The following EFCAB5 variants were observed in gnomAD, a reference collection of about 807,000 sequenced individuals.
EFCAB5 encodes EF-hand calcium binding domain 5, also known as EF-hand calcium-binding domain-containing protein 5.
Under a neutral mutation model 167.9 loss-of-function variants are expected in EFCAB5, and 131 were observed. That is an observed-to-expected ratio of 0.78 (90% CI 0.68 to 0.90). The LOEUF (loss-of-function observed/expected upper bound fraction) is 0.90. Ranked by LOEUF, EFCAB5 falls within the 40% of genes least tolerant of loss-of-function variation. The pLI is 0.00. For missense variants in EFCAB5, 1,663 were observed against 1,745.2 expected, an observed-to-expected ratio of 0.95 and a Z score of 0.84; for synonymous variants, 574 against 602.8, an observed-to-expected ratio of 0.95 and a Z score of 0.70.
chr17:30,000,606 T>G (rs1234376299), intron 7 of EFCAB5, among the ~76,000 whole-genome samples: 1 of 152,218 alleles, frequency 6.6e-6, no homozygotes, highest in Non-Finnish European at 1.5e-5. Context: ...TTTTCTCTGA[T>G]GAGTTCCAGA....
chr17:30,014,593 G>A (rs1171625478), intron 7 of EFCAB5, among the ~76,000 whole-genome samples: 1 of 152,128 alleles, frequency 6.6e-6, no homozygotes, highest in Non-Finnish European at 1.5e-5. Context: ...TTGATTTAAA[G>A]TCTGTTTTAT....
chr17:30,004,787 ATTTTTTTT>A (rs60231360), intron 7 of EFCAB5, among the ~76,000 whole-genome samples: 22 of 115,138 alleles, frequency 1.9e-4, no homozygotes, highest in African/African-American at 3.1e-4. Context: ...CTCCTGGCTA[ATTTTTTTT>A]TTTTTTTTTT....
chr17:29,978,299 C>T (rs1412701616), intron 4 of EFCAB5, among the ~76,000 whole-genome samples: 1 of 152,104 alleles, frequency 6.6e-6, no homozygotes, highest in Non-Finnish European at 1.5e-5. Flanking sequence ...AGTGAATGGA[C>T]AAGGAAAATA....
Position 30,068,983 on chromosome 17 carries a change from C to T in EFCAB5, c.2738-9232C>T. 2.0e-6 allele frequency: 3 copies of T among 1,466,548 alleles called. No homozygotes were observed. In the South Asian group the frequency reaches 3.4e-5, roughly 17 times the overall value. The allele number at this position is 1,466,548 out of a possible 1,614,324, so 90.8% of individuals were successfully genotyped here. A position where few individuals can be genotyped will look rare whatever the true frequency, so the allele number is the denominator to read the frequency against. On this transcript the variant is annotated intron_variant, in intron 14 of 22. Transcript: ENST00000394835. The stretch of plus-strand genomic sequence containing the variant: ...AATTCAACAACTACGAACAGAAGCT[C>T]ACAAGGAGATACATTCCCAGCAAGT...
At chr17:30,048,145 TTA>T (rs1212386243) in intron 8 of EFCAB5, among the ~76,000 whole-genome samples, 1 of 152,116 alleles carries the variant, frequency 6.6e-6, no homozygotes, top group Admixed American at 6.6e-5. Context: ...TGGTCAAAGT[TTA>T]TGTCATAGGT....
intron 22 of EFCAB5, among the ~76,000 whole-genome samples, chr17:30,098,626 C>A (rs1276972077): frequency 6.6e-6 from 1 of 152,056 alleles, no homozygotes. Flanking sequence ...ACCTGGCTTT[C>A]CATTGTCTTT....
At position 30,085,562 on chromosome 17, in the gene EFCAB5, T is replaced by C. The variant is rs1206898136; in HGVS notation, c.3580-1501T>C. Among the ~76,000 whole-genome samples the C allele has an allele frequency of 4.0e-5, 6 of 151,708 alleles. No homozygotes were observed. The South Asian group carries it at 1.2e-3, about 32-fold the overall frequency. On this transcript the variant is annotated intron_variant, in intron 18 of 22. Transcript: ENST00000394835. ...GGTGAAACCCCGTCTCTACTAAAAA[T>C]ACAAAAAAATTAGCCGGGCGCGGTG...
At chr17:29,986,849 G>A (rs959504952) in intron 4 of EFCAB5, among the ~76,000 whole-genome samples, 10 of 151,520 alleles carry the variant, frequency 6.6e-5, no homozygotes, top group South Asian at 2.1e-4. Flanking sequence ...GGGTTTCACC[G>A]TGTTAGCCAG....
intron 18 of EFCAB5, among the ~76,000 whole-genome samples, chr17:30,085,955 C>A (rs749711081): frequency 1.3e-5 from 2 of 152,022 alleles, no homozygotes; most frequent in South Asian, 2.1e-4. Flanking sequence ...CCCTATGGAT[C>A]CTCTTATCAT....
At chr17:30,049,982 GT>G (rs950884294) in intron 8 of EFCAB5, among the ~76,000 whole-genome samples, 37 of 151,414 alleles carry the variant, frequency 2.4e-4, no homozygotes, top group Middle Eastern at 3.4e-3. Flanking sequence ...CAATAGAGGA[GT>G]TTTTTTTTAA....
At chr17:30,057,913 G>C (rs1419076212) in intron 13 of EFCAB5, 23 bp downstream of exon 13, 10 of 1,588,868 alleles carry the variant, frequency 6.3e-6, no homozygotes, top group Non-Finnish European at 8.6e-6. Flanking sequence ...ATTTATTAAT[G>C]ATACAAGTGA....
intron 3 of EFCAB5, among the ~76,000 whole-genome samples, chr17:29,960,134 CCA>C (rs2067692122): frequency 6.6e-6 from 1 of 152,140 alleles, no homozygotes; most frequent in African/African-American, 2.4e-5. Context: ...ATGCAAAATC[CCA>C]CAGTCACTGT....
chr17:30,032,958 G>C lies in EFCAB5; in HGVS notation c.1045-1272G>C, dbSNP rs148452252. Among the ~76,000 whole-genome samples, 297 of 152,246 alleles carry C rather than the reference G, an allele frequency of 2.0e-3. 2 individuals are homozygous for C. The highest frequency in any genetic ancestry group is 6.6e-3 in the African/African-American group (273 of 41,546). ...AATTCCTAGTGGAGAGAATCTGAAT[G>C]GCCTTAAGTGTTCCCCCTGGTTCAA... On this transcript the variant is annotated intron_variant, in intron 7 of 22. Coordinates refer to ENST00000394835, the MANE Select transcript of EFCAB5 (RefSeq NM_198529.4).
intron 14 of EFCAB5, among the ~76,000 whole-genome samples, chr17:30,067,371 T>C (rs978053972): frequency 6.6e-6 from 1 of 152,114 alleles, no homozygotes; most frequent in African/African-American, 2.4e-5. Context: ...TCCCAGCACT[T>C]TGGGGGGCCA....
rs150288273 is a variant in EFCAB5, at chr17:30,091,679, C to T, written c.3938-192C>T. Among the ~76,000 whole-genome samples, 701 of 152,220 alleles carry T rather than the reference C, an allele frequency of 4.6e-3. 2 individuals carry two copies. Among genetic ancestry groups the T allele is most frequent in the Non-Finnish European group, 8.1e-3 (554 of 68,026 alleles). On this transcript the variant is annotated intron_variant, in intron 20 of 22. Transcript: ENST00000394835. ...CAAAGCCTCTTCCTATGAGCTTCACCGGGAGTAATTTCATTGCTTTCTTTT... is the reference window on the plus strand; with the variant it reads ...CAAAGCCTCTTCCTATGAGCTTCACTGGGAGTAATTTCATTGCTTTCTTTT...
chr17:30,005,565 T>C (rs2068757276), intron 7 of EFCAB5, among the ~76,000 whole-genome samples: 1 of 152,194 alleles, frequency 6.6e-6, no homozygotes, highest in Non-Finnish European at 1.5e-5. Flanking sequence ...CATATGTTTG[T>C]AAACTAAAAA....
chr17:30,031,670 C>T (rs2069482932), intron 7 of EFCAB5: 1 of 152,184 alleles, frequency 6.6e-6, no homozygotes, highest in East Asian at 1.9e-4. Context: ...TTCCACTACT[C>T]TGCTTGTTCC....
intron 7 of EFCAB5, among the ~76,000 whole-genome samples, chr17:30,008,197 A>G (rs981299762): frequency 6.6e-6 from 1 of 152,234 alleles, no homozygotes; most frequent in African/African-American, 2.4e-5. Context: ...AAGGAATAGC[A>G]GATACATTAA....
At chr17:29,993,405 A>C in intron 5 of EFCAB5, 84 bp downstream of exon 5, 3 of 1,369,268 alleles carry the variant, frequency 2.2e-6, no homozygotes, top group Non-Finnish European at 2.9e-6. Flanking sequence ...AGCATACTAG[A>C]AGCCTCCCTT....
Sources: allele counts gnomAD v4.1 joint callset (sites outside exome capture counted in the v4.1 genomes callset), GRCh38; gene constraint gnomAD v4.1.1; transcripts MANE v1.5; gene names NCBI Gene and HGNC (gene_info 2026-07-23, HGNC 2026-07-21).